NHSL2: variants seen among roughly 807,000 people sequenced by gnomAD.
The protein encoded by NHSL2 is NHS-like protein 2.
In NHSL2, 27 loss-of-function variants were observed where a neutral mutation model predicts 53.4. The observed-to-expected ratio is 0.51, with a 90% CI of 0.37 to 0.70. The LOEUF is 0.70. NHSL2 is among the 30% of genes least tolerant of loss of function. NHSL2 has a pLI of 0.00. For missense variants in NHSL2, 892 were observed against 980.1 expected (o/e 0.91, Z 1.20); for synonymous variants, 408 against 404.1 (o/e 1.01, Z -0.12).
chrX:72,093,774 C>CTTTCTTTCTT (rs2041921248), intron 1 of NHSL2, among the ~76,000 whole-genome samples: 1 of 100,977 alleles, frequency 9.9e-6, no homozygotes, highest in East Asian at 2.9e-4. Flanking sequence ...TTCTTTCTTT[C>CTTTCTTTCTT]TTTCTTTTCC....
chrX:71,929,847 C>T (rs900758593), intron 1 of NHSL2, among the ~76,000 whole-genome samples: 17 of 110,602 alleles, frequency 1.5e-4, no homozygotes, highest in Admixed American at 1.3e-3. Flanking sequence ...CTCAACCTCC[C>T]AGGCTCAAGT....
intron 1 of NHSL2, among the ~76,000 whole-genome samples, chrX:72,068,990 GC>G (rs2042448867): frequency 1.8e-5 from 2 of 112,817 alleles, no homozygotes; most frequent in Non-Finnish European, 3.8e-5. Flanking sequence ...TGGGACTGGA[GC>G]CCAGAGCTCA....
At chrX:72,032,252 G>A (rs2042219331) in intron 1 of NHSL2, among the ~76,000 whole-genome samples, 1 of 111,218 alleles carries the variant, frequency 9.0e-6, no homozygotes, top group Non-Finnish European at 1.9e-5. Flanking sequence ...AATTAGCTGG[G>A]CGTTGTGGCA....
At chrX:72,101,192 C>T (rs186456126) in intron 1 of NHSL2, among the ~76,000 whole-genome samples, 167 of 111,074 alleles carry the variant, frequency 1.5e-3, no homozygotes, top group South Asian at 9.2e-3. Context: ...CCACTGTGCT[C>T]CTGGGCGGCA....
intron 1 of NHSL2, among the ~76,000 whole-genome samples, chrX:71,914,387 C>T (rs2041618478): frequency 8.9e-6 from 1 of 112,483 alleles, no homozygotes; most frequent in Admixed American, 9.4e-5. Flanking sequence ...ATGATAATTA[C>T]AAAAGCAATC....
At chrX:72,010,455 T>C (rs767140337) in intron 1 of NHSL2, among the ~76,000 whole-genome samples, 2 of 112,484 alleles carry the variant, frequency 1.8e-5, no homozygotes, top group African/African-American at 6.5e-5. Flanking sequence ...TCAATTCAGC[T>C]ACAATTCAAA....
intron 1 of NHSL2, among the ~76,000 whole-genome samples, chrX:72,014,270 ATT>A (rs377598531): frequency 6.7e-4 from 74 of 110,701 alleles, no homozygotes; most frequent in African/African-American, 2.4e-3. Context: ...CTATTTTTCT[ATT>A]TTCAATTCTG....
chrX:72,142,080 C>T (rs757618131), intron 6 of NHSL2, among the ~76,000 whole-genome samples, 152 bp from the exon 7 acceptor site: 1 of 112,523 alleles, frequency 8.9e-6, no homozygotes, highest in South Asian at 3.7e-4. Flanking sequence ...TTCTGAACTT[C>T]ATATTCCTCC....
chrX:72,074,516 T>G (rs1356990832), intron 1 of NHSL2, among the ~76,000 whole-genome samples: 1 of 112,240 alleles, frequency 8.9e-6, no homozygotes, highest in African/African-American at 3.2e-5. Context: ...AGAGATGTGT[T>G]GGAGGCAGAG....
At position 71,948,851 on chromosome X, in the gene NHSL2, G is replaced by T. The variant is rs867047861; in HGVS notation, c.280+37484G>T. On this transcript the variant is annotated intron_variant, in intron 1 of 7. Coordinates refer to ENST00000633930, the MANE Select transcript of NHSL2 (RefSeq NM_001013627.3). Reference sequence around the variant, plus strand: ...TCAAAAAAAAAAAAAATGTAGTTTTGTTTTTTTTTTTTTGAGACAAGTTCT... The same window carrying T: ...TCAAAAAAAAAAAAAATGTAGTTTTTTTTTTTTTTTTTTGAGACAAGTTCT... 2.1e-3 allele frequency among the ~76,000 whole-genome samples: 186 copies of T among 90,239 alleles called. No individual in the cohort carries two copies. In the East Asian group the frequency reaches 0.023, roughly 11 times the overall value. The allele number at this position is 90,239 out of a possible 115,157, so 78.4% of individuals were successfully genotyped here. A position where few individuals can be genotyped will look rare whatever the true frequency, so the allele number is the denominator to read the frequency against.
rs772192486 is a variant in NHSL2 at position 72,086,350 on chromosome X, G to A, written c.281-45729G>A. ...ATAGGGAGATGCAGTAAGTAATGGG[G>A]GTCACAGGGAGGCGCAGGGGTCGGC... is the stretch of plus-strand genomic sequence containing the variant. On this transcript the variant is annotated intron_variant, in intron 1 of 7. Coordinates refer to ENST00000633930, the MANE Select transcript of NHSL2 (RefSeq NM_001013627.3). Among the ~76,000 whole-genome samples, 296 of 111,894 alleles carry A rather than the reference G, an allele frequency of 2.6e-3. 1 individual carries two copies. Among genetic ancestry groups the A allele is most frequent in the Admixed American group, 4.7e-3 (50 of 10,536 alleles).
chrX:72,137,791 C>T (rs2042371425), intron 5 of NHSL2, among the ~76,000 whole-genome samples: 1 of 111,643 alleles, frequency 9.0e-6, no homozygotes, highest in Non-Finnish European at 1.9e-5. Context: ...AGTCAGTGTC[C>T]AATAAATGGT....
intron 1 of NHSL2, among the ~76,000 whole-genome samples, chrX:71,937,410 G>A (rs142439696): frequency 8.1e-4 from 91 of 111,916 alleles, no homozygotes; most frequent in African/African-American, 2.9e-3. Context: ...CTTAGGACTT[G>A]TGTCCTTGAA....
chrX:71,978,985 C>G lies in NHSL2; in HGVS notation c.280+67618C>G, dbSNP rs184847256. Among the ~76,000 whole-genome samples the G allele has an allele frequency of 5.0e-3, 491 of 98,391 alleles. 2 individuals are homozygous for G. Among genetic ancestry groups the G allele is most frequent in the African/African-American group, 0.018 (468 of 26,362 alleles). The allele number at this position is 98,391 out of a possible 115,157, so 85.4% of individuals were successfully genotyped here. A position where few individuals can be genotyped will look rare whatever the true frequency, so the allele number is the denominator to read the frequency against. ...GTCCAAGTGTTCTCATTGTTCAGTT[C>G]CCACCTATGAGTGAGAACATGCGGT... On this transcript the variant is annotated intron_variant, in intron 1 of 7. Transcript: ENST00000633930.
At chrX:71,993,147 C>T (rs1199782989) in intron 1 of NHSL2, among the ~76,000 whole-genome samples, 1 of 111,914 alleles carries the variant, frequency 8.9e-6, no homozygotes, top group Non-Finnish European at 1.9e-5. Flanking sequence ...TTTTATTCCA[C>T]CTCTAACTGG....
At position 71,982,973 on chromosome X, in the gene NHSL2, C is replaced by T. The variant is rs145191945; in HGVS notation, c.280+71606C>T. ...CAACTGGTGTGTGAAGAAGGGGGGA[C>T]GCAGTCTTGGGGACTGAGCCTTCAA... is the stretch of plus-strand genomic sequence containing the variant. On this transcript the variant is annotated intron_variant, in intron 1 of 7. Coordinates refer to ENST00000633930, the MANE Select transcript of NHSL2 (RefSeq NM_001013627.3). Among the ~76,000 whole-genome samples, 314 of 111,889 alleles carry T rather than the reference C, an allele frequency of 2.8e-3. 2 individuals carry two copies. The highest frequency in any genetic ancestry group is 9.6e-3 in the African/African-American group (296 of 30,823).
At chrX:72,127,666 G>A (rs2042240365) in intron 1 of NHSL2, 1 of 112,761 alleles carries the variant, frequency 8.9e-6, no homozygotes, top group South Asian at 3.6e-4. Flanking sequence ...AAGAATAGCA[G>A]GTCCCCTTCT....
At chrX:72,113,379 C>A (rs1002216056) in intron 1 of NHSL2, among the ~76,000 whole-genome samples, 1 of 111,094 alleles carries the variant, frequency 9.0e-6, no homozygotes, top group Non-Finnish European at 1.9e-5. Flanking sequence ...AATGCTGAAC[C>A]CTGCTGTTGT....
intron 1 of NHSL2, among the ~76,000 whole-genome samples, 167 bp downstream of exon 1, chrX:71,911,534 C>T (rs1458754622): frequency 2.7e-5 from 3 of 111,982 alleles, no homozygotes; most frequent in Non-Finnish European, 3.8e-5. Flanking sequence ...CGCCTCCGCC[C>T]CACGGTCGCC....
Sources: allele counts gnomAD v4.1 joint callset (sites outside exome capture counted in the v4.1 genomes callset), GRCh38; gene constraint gnomAD v4.1.1; transcripts MANE v1.5; gene names NCBI Gene and HGNC (gene_info 2026-07-23, HGNC 2026-07-21).